Variants in CR1L observed in about 807,000 individuals in gnomAD.
The protein encoded by CR1L is complement component receptor 1-like protein.
CR1L carries 59 observed loss-of-function variants against 62.3 expected under a neutral mutation model. The ratio of observed to expected loss-of-function variants is 0.95; its 90% CI spans 0.77 to 1.18. CR1L has a LOEUF of 1.18. CR1L is among the 50% of genes most tolerant of loss of function. CR1L has a pLI of 0.00. For missense variants in CR1L, 700 were observed against 702.8 expected (o/e 1.00, Z 0.04); for synonymous variants, 279 against 248.7 (o/e 1.12, Z -1.15).
At chr1:207,699,675 G>T (rs1187773522) in intron 8 of CR1L, among the ~76,000 whole-genome samples, 3 of 151,000 alleles carry the variant, frequency 2.0e-5, no homozygotes, top group Non-Finnish European at 2.9e-5. Context: ...CAATCAATGT[G>T]CAGTCAGTCT....
At chr1:207,694,790 C>T in intron 5 of CR1L, 39 bp downstream of exon 5, 1 of 1,611,602 alleles carries the variant, frequency 6.2e-7, no homozygotes, top group South Asian at 1.1e-5. Context: ...CTGCCAGTGA[C>T]ATGCATTGCT....
At chr1:207,705,802 A>G (rs904891612) in intron 9 of CR1L, among the ~76,000 whole-genome samples, 1 of 152,106 alleles carries the variant, frequency 6.6e-6, no homozygotes, top group Non-Finnish European at 1.5e-5. Context: ...GACCAATTTT[A>G]AAAAATCAGG....
chr1:207,681,537 TA>T (rs1663799674), intron 3 of CR1L, among the ~76,000 whole-genome samples: 1 of 152,240 alleles, frequency 6.6e-6, no homozygotes, highest in Non-Finnish European at 1.5e-5. Context: ...ACAAGTTTAA[TA>T]AATTAAAATA....
At chr1:207,664,283 G>T (rs1180623024) in intron 1 of CR1L, among the ~76,000 whole-genome samples, 1 of 152,204 alleles carries the variant, frequency 6.6e-6, no homozygotes, top group Non-Finnish European at 1.5e-5. Context: ...GTGGTCTTCA[G>T]TTTCCATTTA....
intron 1 of CR1L, chr1:207,669,422 GT>G (rs1663574913): frequency 3.1e-5 from 39 of 1,248,282 alleles, no homozygotes; most frequent in Middle Eastern, 2.2e-4. Context: ...ATCAAATCTG[GT>G]TTGTAGATGT....
intron 1 of CR1L, among the ~76,000 whole-genome samples, chr1:207,670,970 A>C (rs1363843076): frequency 2.0e-5 from 3 of 151,088 alleles, no homozygotes; most frequent in African/African-American, 7.4e-5. Flanking sequence ...AAAGAAATGT[A>C]AGAGAAAGAG....
intron 1 of CR1L, among the ~76,000 whole-genome samples, chr1:207,667,259 T>C (rs1383200550): frequency 1.3e-5 from 2 of 152,188 alleles, no homozygotes; most frequent in Non-Finnish European, 2.9e-5. Context: ...ATCTATTCTT[T>C]CACATTTCAG....
chr1:207,659,983 C>A (rs113630340), intron 1 of CR1L, among the ~76,000 whole-genome samples: 3 of 152,092 alleles, frequency 2.0e-5, no homozygotes, highest in Non-Finnish European at 4.4e-5. Flanking sequence ...CTTGACTGGG[C>A]GGTTCTATGC....
intron 1 of CR1L, among the ~76,000 whole-genome samples, chr1:207,663,618 C>T (rs895169665): frequency 7.2e-5 from 11 of 152,352 alleles, no homozygotes; most frequent in Admixed American, 2.6e-4. Flanking sequence ...CGCCCTGCTT[C>T]GGCTCATGCA....
intron 1 of CR1L, among the ~76,000 whole-genome samples, chr1:207,646,846 G>A (rs891066951): frequency 3.3e-5 from 5 of 151,300 alleles, no homozygotes; most frequent in Non-Finnish European, 7.4e-5. Context: ...TGTGTTTCAT[G>A]TGTATCTATG....
At chr1:207,691,450 T>C (rs1663995589) in intron 4 of CR1L, among the ~76,000 whole-genome samples, 1 of 151,936 alleles carries the variant, frequency 6.6e-6, no homozygotes, top group South Asian at 2.1e-4. Flanking sequence ...TTGTTGTTCA[T>C]TAGTGTTTGA....
intron 4 of CR1L, among the ~76,000 whole-genome samples, chr1:207,686,146 T>C (rs1326996298): frequency 1.1e-4 from 6 of 54,964 alleles, no homozygotes; most frequent in East Asian, 8.7e-4. Context: ...CTTCCTTCCT[T>C]CCTTCCTTCC....
chr1:207,672,658 A>G lies in CR1L; in HGVS notation c.98-4731A>G, dbSNP rs12095484. ...ATTCATGGGGATAGACCACATTGTGAGCCATAAAAATAGTATGCTAATTAA... is the reference window on the plus strand; with the variant it reads ...ATTCATGGGGATAGACCACATTGTGGGCCATAAAAATAGTATGCTAATTAA... On this transcript the variant is annotated intron_variant, in intron 1 of 11. Transcript: ENST00000508064. Among the ~76,000 whole-genome samples the G allele has an allele frequency of 7.0e-3, 1,069 of 152,260 alleles. 10 individuals carry two copies. Among genetic ancestry groups the G allele is most frequent in the African/African-American group, 0.024 (996 of 41,540 alleles).
chr1:207,695,095 T>C (rs1664055612), intron 5 of CR1L, among the ~76,000 whole-genome samples: 1 of 152,132 alleles, frequency 6.6e-6, no homozygotes, highest in African/African-American at 2.4e-5. Context: ...TAAAACAAAG[T>C]TATTAGGTAG....
At chr1:207,657,889 A>C (rs1458866044) in intron 1 of CR1L, among the ~76,000 whole-genome samples, 1 of 152,234 alleles carries the variant, frequency 6.6e-6, no homozygotes, top group African/African-American at 2.4e-5. Flanking sequence ...CATATTCTAG[A>C]CAATAAGACA....
chr1:207,669,605 G>C (rs1456802699), intron 1 of CR1L: 2 of 1,226,862 alleles, frequency 1.6e-6, no homozygotes, highest in Non-Finnish European at 2.3e-6. Flanking sequence ...CCGGGCTGAC[G>C]AGGCACCCAG....
intron 1 of CR1L, among the ~76,000 whole-genome samples, chr1:207,665,362 G>A (rs1349851330): frequency 6.7e-6 from 1 of 150,266 alleles, no homozygotes; most frequent in Non-Finnish European, 1.5e-5. Flanking sequence ...TCTTGTACAT[G>A]CATCCTTACA....
intron 9 of CR1L, among the ~76,000 whole-genome samples, chr1:207,707,662 T>C (rs564461362): frequency 6.6e-6 from 1 of 152,020 alleles, no homozygotes; most frequent in Non-Finnish European, 1.5e-5. Flanking sequence ...AAATCAAATA[T>C]ATAATTTATT....
chr1:207,715,475 G>C, intron 10 of CR1L: 1 of 876,312 alleles, frequency 1.1e-6, no homozygotes, highest in African/African-American at 1.7e-5. Context: ...GGAATCACTT[G>C]TCTGGATCTT....
Sources: allele counts gnomAD v4.1 joint callset (sites outside exome capture counted in the v4.1 genomes callset), GRCh38; gene constraint gnomAD v4.1.1; transcripts MANE v1.5; gene names NCBI Gene and HGNC (gene_info 2026-07-23, HGNC 2026-07-21).